The following PCDHGB5 variants were observed in gnomAD, a reference collection of about 807,000 sequenced individuals.
PCDHGB5 encodes protocadherin gamma-B5.
In PCDHGB5, 48 loss-of-function variants were observed where a neutral mutation model predicts 62.9. The ratio of observed to expected loss-of-function variants is 0.76; its 90% CI spans 0.61 to 0.97. The LOEUF is 0.97. PCDHGB5 is among the 50% of genes least tolerant of loss of function. The pLI, the probability that PCDHGB5 is intolerant of heterozygous loss-of-function variation, is 0.00. For synonymous variants in PCDHGB5, 474 were observed against 511.2 expected, an observed-to-expected ratio of 0.93 and a Z score of 0.98; for missense variants, 1,118 against 1,198.6, an observed-to-expected ratio of 0.93 and a Z score of 0.99.
chr5:141,408,201 C>T (rs1036342508), intron 1 of PCDHGB5: 4 of 1,548,914 alleles, frequency 2.6e-6, no homozygotes, highest in South Asian at 2.4e-5. Flanking sequence ...CCCGAGCGAA[C>T]GATGGGAGGG....
At chr5:141,425,069 A>G (rs771114613) in intron 1 of PCDHGB5, among the ~76,000 whole-genome samples, 1 of 152,170 alleles carries the variant, frequency 6.6e-6, no homozygotes. Context: ...GACAAAAATA[A>G]TTTCAACTGT....
chr5:141,490,336 G>T lies in PCDHGB5; in HGVS notation c.2398-4471G>T. 2 of 1,614,224 alleles carry T rather than the reference G, an allele frequency of 1.2e-6. No individual in the cohort carries two copies. The highest frequency in any genetic ancestry group is 8.5e-7 in the Non-Finnish European group (1 of 1,180,040). ...CCCTGTCCTAGAGAGCACACCAGTGGGCACAGTAGTGGGGTTGTTTAATGT... is the reference window on the plus strand; with the variant it reads ...CCCTGTCCTAGAGAGCACACCAGTGTGCACAGTAGTGGGGTTGTTTAATGT... On this transcript the variant is annotated intron_variant, in intron 1 of 3. Transcript: ENST00000617380. This position sits in a 1 kb window ranked among gnomAD's most constrained non-coding sequence, Gnocchi z 5.4.
chr5:141,403,754 G>A (rs2094451238), intron 1 of PCDHGB5: 1 of 1,613,768 alleles, frequency 6.2e-7, no homozygotes, highest in African/African-American at 1.3e-5. Flanking sequence ...AACAGCCAGC[G>A]ACCTGGATGA....
At chr5:141,407,978 A>T (rs1354199341) in intron 1 of PCDHGB5, 8 of 743,974 alleles carry the variant, frequency 1.1e-5, no homozygotes, top group Non-Finnish European at 1.4e-5. Flanking sequence ...GACGCCGGGG[A>T]TCCGTCAGCC....
chr5:141,447,360 A>G (rs1471046883), intron 1 of PCDHGB5, among the ~76,000 whole-genome samples: 1 of 151,914 alleles, frequency 6.6e-6, no homozygotes, highest in Non-Finnish European at 1.5e-5. Context: ...GCTGGTCTCA[A>G]ACTCCTGACC....
chr5:141,476,754 T>G lies in PCDHGB5; in HGVS notation c.2398-18053T>G. 1 of 1,613,926 alleles carries G rather than the reference T, an allele frequency of 6.2e-7. No individual in the cohort carries two copies. The highest frequency in any genetic ancestry group is 1.1e-5 in the South Asian group (1 of 91,084). On this transcript the variant is annotated intron_variant, in intron 1 of 3. Coordinates refer to ENST00000617380, the MANE Select transcript of PCDHGB5 (RefSeq NM_018925.3). The surrounding 1 kb of genome is among the most constrained non-coding windows in gnomAD (Gnocchi z 7.6). Reference sequence around the variant, plus strand: ...GAACGGGAGCCTAGTCTCCAGTTAGTGCTGACGGCGTTGGACGGAGGGACC... The same window carrying G: ...GAACGGGAGCCTAGTCTCCAGTTAGGGCTGACGGCGTTGGACGGAGGGACC...
At chr5:141,461,893 G>A (rs2099025951) in intron 1 of PCDHGB5, among the ~76,000 whole-genome samples, 1 of 151,772 alleles carries the variant, frequency 6.6e-6, no homozygotes, top group African/African-American at 2.4e-5. Context: ...GCACGATCTC[G>A]GCTCACTGCA....
At chr5:141,410,047 A>G in intron 1 of PCDHGB5, 1 of 1,612,420 alleles carries the variant, frequency 6.2e-7, no homozygotes. Flanking sequence ...GTGAGCCCGG[A>G]CTCTTCAGCC....
At chr5:141,433,352 T>G (rs976015031) in intron 1 of PCDHGB5, 1 of 614,162 alleles carries the variant, frequency 1.6e-6, no homozygotes, top group Admixed American at 3.0e-5. Flanking sequence ...AGCCACCTAC[T>G]GTCTGCCTAT....
intron 1 of PCDHGB5, among the ~76,000 whole-genome samples, chr5:141,458,513 G>GTT (rs537551567): frequency 7.5e-5 from 11 of 146,196 alleles, no homozygotes; most frequent in African/African-American, 2.2e-4. Flanking sequence ...TTGACACTTT[G>GTT]TTTTTTTTTT....
intron 1 of PCDHGB5, chr5:141,433,358 C>CCTATCTATCTATCTATCTATCTAT: frequency 9.9e-6 from 5 of 503,368 alleles, no homozygotes; most frequent in South Asian, 2.6e-5. Flanking sequence ...CTACTGTCTG[C>CCTATCTATCTATCTATCTATCTAT]CTATCTATCT....
intron 1 of PCDHGB5, among the ~76,000 whole-genome samples, chr5:141,479,979 T>C (rs67253891): frequency 0.061 from 9,352 of 152,266 alleles, 334 homozygotes; most frequent in South Asian, 0.12. Context: ...GTTCTACCAT[T>C]TACCAACTAG....
intron 1 of PCDHGB5, among the ~76,000 whole-genome samples, chr5:141,437,490 A>C (rs549866784): frequency 6.6e-6 from 1 of 152,190 alleles, no homozygotes; most frequent in African/African-American, 2.4e-5. Flanking sequence ...AATCTCGTAG[A>C]TCACTTTTCA....
At position 141,491,251 on chromosome 5, in the gene PCDHGB5, C is replaced by A; in HGVS notation, c.2398-3556C>A. On this transcript the variant is annotated intron_variant, in intron 1 of 3. Coordinates refer to ENST00000617380, the MANE Select transcript of PCDHGB5 (RefSeq NM_018925.3). This position sits in a 1 kb window ranked among gnomAD's most constrained non-coding sequence, Gnocchi z 6.9. ...GCTGCTGGTTCTGGAGGATGAGGAC[C>A]CTGAGGAAATGCCCAAATCCAGTGA... 6.2e-7 allele frequency: 1 copy of A among 1,614,144 alleles called. No homozygotes were observed. Among genetic ancestry groups the A allele is most frequent in the Non-Finnish European group, 8.5e-7 (1 of 1,180,016 alleles).
chr5:141,423,906 G>A (rs2096789586), intron 1 of PCDHGB5: 17 of 1,272,396 alleles, frequency 1.3e-5, no homozygotes, highest in Non-Finnish European at 1.7e-5. Context: ...ATTTCAAAGG[G>A]GCCATTCAAC....
At chr5:141,446,891 C>A (rs1457416718) in intron 1 of PCDHGB5, among the ~76,000 whole-genome samples, 1 of 152,152 alleles carries the variant, frequency 6.6e-6, no homozygotes, top group Non-Finnish European at 1.5e-5. Context: ...GGGTTCATGG[C>A]TGAGCTACTT....
chr5:141,492,079 G>C (rs1400390407), intron 1 of PCDHGB5: 3 of 486,286 alleles, frequency 6.2e-6, no homozygotes, highest in South Asian at 4.1e-5. Flanking sequence ...CGCCGGCTCC[G>C]GCACGCTTCG....
Position 141,415,578 on chromosome 5 carries a change from G to A in PCDHGB5, c.2397+15054G>A, listed in dbSNP as rs372519745. On this transcript the variant is annotated intron_variant, in intron 1 of 3. Transcript: ENST00000617380. ...ATCCTTTGTCTTTGTTAGATGATTCGAAGTTTCCTATAGAGGATACCCCAT... is the reference window on the plus strand; with the variant it reads ...ATCCTTTGTCTTTGTTAGATGATTCAAAGTTTCCTATAGAGGATACCCCAT... 678 of 1,613,890 alleles carry A rather than the reference G, an allele frequency of 4.2e-4. 10 individuals are homozygous for A. In the South Asian group the frequency reaches 6.8e-3, roughly 16 times the overall value.
chr5:141,487,040 C>T lies in PCDHGB5; in HGVS notation c.2398-7767C>T, dbSNP rs374574042. The T allele has an allele frequency of 3.7e-6, 6 of 1,614,136 alleles. No homozygotes were observed. Among genetic ancestry groups the T allele is most frequent in the South Asian group, 1.1e-5 (1 of 91,082 alleles). On this transcript the variant is annotated intron_variant, in intron 1 of 3. Transcript: ENST00000617380. This position sits in a 1 kb window ranked among gnomAD's most constrained non-coding sequence, Gnocchi z 5.0. Reference sequence around the variant, plus strand: ...AGATCCCAGCCTGTTTGCAGTCTCTCGATATGCTGGGGAGGTGCGGACGGC... The same window carrying T: ...AGATCCCAGCCTGTTTGCAGTCTCTTGATATGCTGGGGAGGTGCGGACGGC...
Sources: gnomAD v4.1 joint callset for allele counts (sites outside exome capture counted in the v4.1 genomes callset) on GRCh38, gnomAD v4.1.1 for gene constraint, Gnocchi (gnomAD v3.1) non-coding constraint, MANE v1.5 for transcripts, NCBI Gene and HGNC (gene_info 2026-07-23, HGNC 2026-07-21) for gene names.